Variants in RIF1 observed in about 807,000 individuals in gnomAD.
The protein encoded by RIF1 is replication timing regulatory factor 1.
A neutral mutation model predicts 247.1 loss-of-function variants in RIF1; 45 were observed. The observed-to-expected ratio is 0.18, with a 90% CI of 0.14 to 0.23. The LOEUF (loss-of-function observed/expected upper bound fraction) is 0.23, where lower values mean the gene tolerates loss of function less well. RIF1 is among the 10% of genes least tolerant of loss of function. RIF1 has a pLI of 1.00. For missense variants in RIF1, 2,967 were observed against 2,862.5 expected (o/e 1.04, Z -0.83); for synonymous variants, 1,087 against 978.8 (o/e 1.11, Z -2.06).
Position 151,473,247 on chromosome 2 carries a change from A to T in RIF1, c.7096-717A>T, listed in dbSNP as rs548984476. On this transcript the variant is annotated intron_variant, in intron 34 of 35. Transcript: ENST00000444746. ...AACTTTCTGAACTTAGTATTTTCTCAATCAGTGGTCCATACGTCCTAGGAA... is the reference window on the plus strand; with the variant it reads ...AACTTTCTGAACTTAGTATTTTCTCTATCAGTGGTCCATACGTCCTAGGAA... Among the ~76,000 whole-genome samples the T allele has an allele frequency of 2.0e-5, 3 of 151,094 alleles. No individual in the cohort carries two copies. In the South Asian group the frequency reaches 6.3e-4, roughly 32 times the overall value.
chr2:151,483,384 A>G (rs2049243376), downstream of RIF1: 1 of 152,150 alleles, frequency 6.6e-6, no homozygotes, highest in South Asian at 2.1e-4. Context: ...TTTATAAGAT[A>G]CACACTGAAA....
chr2:151,465,107 G>C lies in RIF1; in HGVS notation c.5587G>C (p.Gly1863Arg). 6.2e-7 allele frequency: 1 copy of C among 1,609,354 alleles called. No individual in the cohort carries two copies. Among genetic ancestry groups the C allele is most frequent in the Non-Finnish European group, 8.5e-7 (1 of 1,178,992 alleles). The change falls in exon 30 of 36, where the codon GGC becomes CGC. Residue 1863 changes from glycine to arginine, a missense_variant. This residue lies in a region of RIF1 where 2,028 missense variants were observed against 1,825.6 expected (regional missense o/e 1.11). Transcript: ENST00000444746. ...ACCTAATGAAAATTTTAAAACTGTT[G>C]GCCCGTGTTTAGGAGACTCGAAAAA... ...ESPNENFKTV[G>R]PCLGDSKNVS...
chr2:151,438,570 TTAAG>T, intron 13 of RIF1, 110 bp from the exon 14 acceptor site: 1 of 705,500 alleles, frequency 1.4e-6, no homozygotes, highest in Non-Finnish European at 2.6e-6. Context: ...GAAAATTAAA[TTAAG>T]TATTGTTCAA....
At chr2:151,505,462 A>G (rs762102017) in intron 12 of RIF1, 1 of 1,605,692 alleles carries the variant, frequency 6.2e-7, no homozygotes, top group Non-Finnish European at 8.5e-7. Context: ...ATGGAAGCTG[A>G]GAGTATGGCC....
At chr2:151,452,959 T>G (rs1179333665) in intron 21 of RIF1, among the ~76,000 whole-genome samples, 1 of 152,152 alleles carries the variant, frequency 6.6e-6, no homozygotes, top group African/African-American at 2.4e-5. Context: ...ATGGGGAGAT[T>G]TTTAAAAGAA....
chr2:151,498,344 G>T, intron 10 of RIF1: 1 of 1,548,776 alleles, frequency 6.5e-7, no homozygotes, highest in Non-Finnish European at 8.7e-7. Flanking sequence ...GGTTTTCTTT[G>T]TATAGCACCT....
rs1045205115 is a variant in RIF1, at chr2:151,464,623, G to A, written c.5103G>A (p.Gly1701=). ...GTTTGGGAGAATCCTCAAAAATAGG[G>A]ATATCAGATATTTCTTCGCTTTCAG... ...NCSLGESSKI[G]ISDISSLSEK... is the part of the protein sequence containing the mutation. Residue 1701 remains glycine, a synonymous_variant, in exon 30 of 36, where the codon GGG becomes GGA. Transcript: ENST00000444746. The A allele has an allele frequency of 7.4e-6, 12 of 1,613,532 alleles. No homozygotes were observed. The highest frequency in any genetic ancestry group is 1.0e-5 in the Non-Finnish European group (12 of 1,179,766).
intron 33 of RIF1, among the ~76,000 whole-genome samples, chr2:151,469,321 C>T (rs778029244): frequency 2.0e-5 from 3 of 152,126 alleles, no homozygotes; most frequent in Non-Finnish European, 4.4e-5. Flanking sequence ...GCTGCCCTGT[C>T]GTAGCATAAT....
exon 14 of RIF1, chr2:151,507,913 C>T (rs928530938): frequency 2.3e-6 from 2 of 855,316 alleles, no homozygotes; most frequent in Non-Finnish European, 3.9e-6. Context: ...GGCTGCACAA[C>T]AGCCCCACTG....
the RIF1 span, chr2:151,525,264 T>C: frequency 6.2e-7 from 1 of 1,611,048 alleles, no homozygotes; most frequent in Non-Finnish European, 8.5e-7. Flanking sequence ...AACTTCTTTT[T>C]GTAATTTGTC....
intron 15 of RIF1, among the ~76,000 whole-genome samples, chr2:151,440,979 A>G (rs1692192358): frequency 6.6e-6 from 1 of 152,210 alleles, no homozygotes; most frequent in African/African-American, 2.4e-5. Flanking sequence ...TAAGTTATGT[A>G]GTGCATGTTC....
Position 151,436,915 on chromosome 2 carries a change from A to G in RIF1, c.1284A>G (p.Gln428=). 3 of 1,614,090 alleles carry G rather than the reference A, an allele frequency of 1.9e-6. No individual in the cohort carries two copies. The highest frequency in any genetic ancestry group is 1.1e-5 in the South Asian group (1 of 91,086). The stretch of plus-strand genomic sequence containing the variant: ...GAATGGCCACAATCCCATCCATTCA[A>G]CTTTTGGGACTTGAAATGTTGCTTC... ...LGGMATIPSI[Q]LLGLEMLLHF... Residue 428 remains glutamine (Q), a synonymous_variant, in exon 12 of 36, where the codon CAA becomes CAG. Transcript: ENST00000444746.
intron 6 of RIF1, among the ~76,000 whole-genome samples, chr2:151,419,464 T>G (rs959428678): frequency 6.6e-6 from 1 of 151,978 alleles, no homozygotes; most frequent in Non-Finnish European, 1.5e-5. Context: ...TAGCTAGGAT[T>G]ACAAGCATGT....
chr2:151,457,672 G>A, intron 23 of RIF1, 89 bp from the exon 24 acceptor site: 1 of 928,380 alleles, frequency 1.1e-6, no homozygotes, highest in South Asian at 1.6e-5. Context: ...GTTTAAAATT[G>A]TCTTAATTTT....
Position 151,466,101 on chromosome 2 carries a change from T to G in RIF1, c.6581T>G (p.Ile2194Ser). ...CTAAAAAGATCCCAAGAAGATGAAA[T>G]CTCATCACCTGTTAATAAGGTAAGG... ...RGLKRSQEDE[I>S]SSPVNKVRRV... is the part of the protein sequence containing the mutation. The change falls in exon 30 of 36, where the codon ATC (isoleucine) becomes AGC (serine). Residue 2194 changes from isoleucine to serine, a missense_variant. Physicochemically the swap from Ile to Ser is moderately radical, Grantham distance 142. This residue lies in a region of RIF1 where 2,028 missense variants were observed against 1,825.6 expected (regional missense o/e 1.11). Transcript: ENST00000444746. 1 of 1,583,614 alleles carries G rather than the reference T, an allele frequency of 6.3e-7. No homozygotes were observed. Among genetic ancestry groups the G allele is most frequent in the Non-Finnish European group, 8.6e-7 (1 of 1,161,124 alleles).
intron 21 of RIF1, among the ~76,000 whole-genome samples, chr2:151,453,726 A>T (rs1198648867): frequency 6.6e-6 from 1 of 151,826 alleles, no homozygotes; most frequent in African/African-American, 2.4e-5. Context: ...TCAATTCATT[A>T]TTTTCCCATT....
the RIF1 span, chr2:151,534,384 A>G: frequency 2.2e-6 from 3 of 1,376,108 alleles, no homozygotes; most frequent in Non-Finnish European, 3.1e-6. Flanking sequence ...AAATGTCTCA[A>G]GGTAAACACT....
chr2:151,428,681 G>A lies in RIF1; in HGVS notation c.787-103G>A, dbSNP rs193018180. The A allele has an allele frequency of 8.1e-4, 678 of 841,476 alleles. 4 individuals are homozygous for A. In the East Asian group the frequency reaches 0.01, roughly 13 times the overall value. The allele number at this position is 841,476 out of a possible 1,614,324, so 52.1% of individuals were successfully genotyped here. A position where few individuals can be genotyped will look rare whatever the true frequency, so the allele number is the denominator to read the frequency against. On this transcript the variant is annotated intron_variant, in intron 8 of 35. Transcript: ENST00000444746. ...GTCTTTTGTCTCCCCATTAGATTAT[G>A]AAGTCCTAAGAGCATCTGTTAAGTG...
At chr2:151,445,529 A>G (rs977352408) in intron 19 of RIF1, 84 bp downstream of exon 19, 43 of 787,866 alleles carry the variant, frequency 5.5e-5, no homozygotes, top group Non-Finnish European at 2.6e-5. Flanking sequence ...AGCTTCCACA[A>G]TGATTTGTTT....
Sources: allele counts gnomAD v4.1 joint callset (sites outside exome capture counted in the v4.1 genomes callset), GRCh38; gene constraint gnomAD v4.1.1; regional missense constraint gnomAD v4.1.1; transcripts MANE v1.5; gene names NCBI Gene and HGNC (gene_info 2026-07-23, HGNC 2026-07-21).